The following NPHP4 variants were observed in gnomAD, a reference collection of about 807,000 sequenced individuals.
NPHP4 encodes the protein nephrocystin-4.
In NPHP4, 151 loss-of-function variants were observed where a neutral mutation model predicts 155.8. The ratio of observed to expected loss-of-function variants is 0.97; its 90% CI spans 0.85 to 1.11. The LOEUF (loss-of-function observed/expected upper bound fraction) is 1.11, where lower values mean the gene tolerates loss of function less well. Among genes scored for constraint, NPHP4 ranks in the 50% least tolerant of loss-of-function variants. The pLI is 0.00. For missense variants in NPHP4, 1,956 were observed against 1,925.7 expected, an observed-to-expected ratio of 1.02 and a Z score of -0.29; for synonymous variants, 845 against 816.8, an observed-to-expected ratio of 1.03 and a Z score of -0.59.
At chr1:5,949,369 C>CACACACACACACACAAT (rs1047844844) in intron 7 of NPHP4, among the ~76,000 whole-genome samples, 2 of 151,826 alleles carry the variant, frequency 1.3e-5, no homozygotes, top group African/African-American at 4.8e-5. Context: ...CACACACACA[C>CACACACACACACACAAT]AACTTGCTAA....
intron 3 of NPHP4, among the ~76,000 whole-genome samples, chr1:5,974,520 T>C (rs1349424579): frequency 6.6e-6 from 1 of 152,056 alleles, no homozygotes; most frequent in Non-Finnish European, 1.5e-5. Flanking sequence ...AAAAGACACT[T>C]TTTTAGAAGT....
At chr1:5,983,890 C>T (rs1485056738) in intron 2 of NPHP4, among the ~76,000 whole-genome samples, 2 of 152,156 alleles carry the variant, frequency 1.3e-5, no homozygotes, top group Non-Finnish European at 2.9e-5. Context: ...TTTTTCCACC[C>T]TTCTACCTGC....
At chr1:5,953,325 C>T (rs964458422) in intron 6 of NPHP4, among the ~76,000 whole-genome samples, 2 of 152,144 alleles carry the variant, frequency 1.3e-5, no homozygotes, top group African/African-American at 2.4e-5. Flanking sequence ...GGGCTGGTCT[C>T]GAACTCCTAA....
rs1644869198 is a variant in NPHP4, at chr1:5,905,465, C to T, written c.1782G>A (p.Ser594=). The stretch of plus-strand genomic sequence containing the variant: ...ACTGCAGGAGCACCATGGAGGCTCT[C>T]GAGGGCTGCCCTGCAGAGCTGAGAC... ...TQTRSSAGQP[S]RASMVLLQSS... is the part of the protein sequence containing the mutation. The change falls in exon 15 of 30, where the codon TCG becomes TCA. Residue 594 remains serine (S), a synonymous_variant. Coordinates refer to ENST00000378156, the MANE Select transcript of NPHP4 (RefSeq NM_015102.5). This position sits in a 1 kb window ranked among gnomAD's most constrained non-coding sequence, Gnocchi z 4.0. The T allele has an allele frequency of 3.7e-6, 6 of 1,605,168 alleles. No individual in the cohort carries two copies. Among genetic ancestry groups the T allele is most frequent in the Non-Finnish European group, 5.1e-6 (6 of 1,172,872 alleles).
rs893677386 is a variant in NPHP4, at chr1:5,867,062, C to T, written c.3526G>A (p.Asp1176Asn). The change falls in exon 25 of 30, where the codon GAC (aspartate) becomes AAC (asparagine). Residue 1176 changes from aspartate to asparagine, a missense_variant. By Grantham distance (23) the Asp-to-Asn change is conservative (BLOSUM62 1). Transcript: ENST00000378156. The surrounding 1 kb of genome is among the most constrained non-coding windows in gnomAD (Gnocchi z 4.1). ...EDPPVHVRCS[D>N]PNVICETQNV... Reference sequence around the variant, plus strand: ...TGGGTCTCACAGATGACGTTCGGGTCGCTGCAGCGAACATGGACTGGGGGG... The same window carrying T: ...TGGGTCTCACAGATGACGTTCGGGTTGCTGCAGCGAACATGGACTGGGGGG... 29 of 1,613,024 alleles carry T rather than the reference C, an allele frequency of 1.8e-5. No homozygotes were observed. The East Asian group carries it at 3.6e-4, about 20-fold the overall frequency.
chr1:5,984,000 C>T (rs1655102009), intron 2 of NPHP4, among the ~76,000 whole-genome samples: 1 of 152,004 alleles, frequency 6.6e-6, no homozygotes, highest in Non-Finnish European at 1.5e-5. Context: ...TCAGGAATTC[C>T]ACTTCTAGGA....
At chr1:5,960,350 T>A (rs1650066713) in intron 6 of NPHP4, among the ~76,000 whole-genome samples, 1 of 152,054 alleles carries the variant, frequency 6.6e-6, no homozygotes, top group South Asian at 2.1e-4. Context: ...CATAGACCTA[T>A]CCAAGAAATT....
At position 5,875,094 on chromosome 1, in the gene NPHP4, G is replaced by C; in HGVS notation, c.2824C>G (p.Gln942Glu). Residue 942 changes from glutamine to glutamate, a missense_variant, in exon 21 of 30, where the codon CAG becomes GAG. Transcript: ENST00000378156. The part of the protein sequence containing the change: ...GRRGTSVLAQ[Q>E]SVRTQHLRDL... Reference sequence around the variant, plus strand: ...CGCAAGTGCTGTGTGCGGACGCTCTGCTGCGCCTGCAGACAAGAGGACATG... The same window carrying C: ...CGCAAGTGCTGTGTGCGGACGCTCTCCTGCGCCTGCAGACAAGAGGACATG... 6.2e-7 allele frequency: 1 copy of C among 1,600,296 alleles called. No individual in the cohort carries two copies. The highest frequency in any genetic ancestry group is 8.5e-7 in the Non-Finnish European group (1 of 1,177,094).
At chr1:5,969,659 A>C (rs1025971152) in intron 3 of NPHP4, among the ~76,000 whole-genome samples, 1 of 152,222 alleles carries the variant, frequency 6.6e-6, no homozygotes, top group African/African-American at 2.4e-5. Flanking sequence ...GACCATGGTT[A>C]GATCAGCCCA....
At chr1:5,967,460 C>G (rs1460702612) in intron 4 of NPHP4, 97 bp from the exon 5 acceptor site, 1 of 894,546 alleles carries the variant, frequency 1.1e-6, no homozygotes, top group Non-Finnish European at 1.8e-6. Flanking sequence ...CCCACTAGAG[C>G]TTTCTAAACT....
intron 3 of NPHP4, among the ~76,000 whole-genome samples, chr1:5,971,759 A>G (rs974653630): frequency 1.3e-5 from 2 of 150,924 alleles, no homozygotes; most frequent in African/African-American, 5.0e-5. Context: ...ATACATTTGG[A>G]AAGGAACATT....
At chr1:5,985,295 C>T (rs193186600) in intron 2 of NPHP4, among the ~76,000 whole-genome samples, 3 of 152,250 alleles carry the variant, frequency 2.0e-5, no homozygotes, top group Non-Finnish European at 4.4e-5. Context: ...GCATTCCCAC[C>T]GGCCACTGGG....
In NPHP4 at chr1:5,910,937, C is replaced by T. The variant is rs1271002054; in HGVS notation, c.1442-1724G>A. On this transcript the variant is annotated intron_variant, in intron 11 of 29. Transcript: ENST00000378156. This position sits in a 1 kb window ranked among gnomAD's most constrained non-coding sequence, Gnocchi z 5.4. Reference sequence around the variant, plus strand: ...CAGAGGATCCAACTGCCCAGCCTGGCGGGCACAGCTCCCAGTCCAACTACC... The same window carrying T: ...CAGAGGATCCAACTGCCCAGCCTGGTGGGCACAGCTCCCAGTCCAACTACC... Among the ~76,000 whole-genome samples, 1 of 152,234 alleles carries T rather than the reference C, an allele frequency of 6.6e-6. No individual in the cohort carries two copies. The highest frequency in any genetic ancestry group is 1.5e-5 in the Non-Finnish European group (1 of 68,044).
chr1:5,941,289 CAAAAAAA>C (rs66676950), intron 9 of NPHP4, among the ~76,000 whole-genome samples: 3 of 44,764 alleles, frequency 6.7e-5, no homozygotes, highest in East Asian at 1.3e-3. Context: ...GAGATCTAGA[CAAAAAAA>C]AAAAAAAAAA....
intron 10 of NPHP4, among the ~76,000 whole-genome samples, chr1:5,928,919 G>A (rs1021966139): frequency 2.0e-5 from 3 of 152,094 alleles, no homozygotes; most frequent in Non-Finnish European, 4.4e-5. Context: ...AACATGTTAC[G>A]TCTCTCCAAT....
At chr1:5,947,633 C>T (rs976053558) in intron 8 of NPHP4, among the ~76,000 whole-genome samples, 1 of 152,232 alleles carries the variant, frequency 6.6e-6, no homozygotes, top group African/African-American at 2.4e-5. Context: ...GACACCTGGC[C>T]TCTGCCTGGC....
intron 2 of NPHP4, among the ~76,000 whole-genome samples, chr1:5,979,194 T>C (rs10779685): frequency 0.84 from 127,711 of 152,252 alleles, 53,811 homozygotes; most frequent in African/African-American, 0.94. Context: ...ATTCACTTAG[T>C]AAACGTTACT....
rs944229019 is a variant in NPHP4 at position 5,989,342 on chromosome 1, G to C, written c.-39+2902C>G. ...CACAGGAAATCATACAGCTGTCCAC[G>C]ACTTATAAGCAGAAGACACCTGACC... On this transcript the variant is annotated intron_variant, in intron 1 of 29. Transcript: ENST00000378156. Among the ~76,000 whole-genome samples, 11 of 152,240 alleles carry C rather than the reference G, an allele frequency of 7.2e-5. No individual in the cohort carries two copies. The East Asian group carries it at 2.1e-3, about 29-fold the overall frequency.
intron 10 of NPHP4, 143 bp from the exon 11 acceptor site, chr1:5,927,930 T>A: frequency 1.1e-6 from 1 of 873,894 alleles, no homozygotes. Flanking sequence ...GTTCTCAGAT[T>A]ATAATCAAGT....
Sources: gnomAD v4.1 joint callset for allele counts (sites outside exome capture counted in the v4.1 genomes callset) on GRCh38, gnomAD v4.1.1 for gene constraint, Gnocchi (gnomAD v3.1) non-coding constraint, MANE v1.5 for transcripts, NCBI Gene and HGNC (gene_info 2026-07-23, HGNC 2026-07-21) for gene names.